Variants in FAM72D observed in about 807,000 individuals in gnomAD.
The protein encoded by FAM72D is RUMY family member 4, also known as protein FAM72D.
For synonymous variants in FAM72D, 4 were observed against 35.1 expected (o/e 0.11, Z 3.13); for missense variants, 9 against 104.7 (o/e 0.09, Z 3.99).
At chr1:145,105,367 C>CAA (rs1654868887) in intron 3 of FAM72D, among the ~76,000 whole-genome samples, 1 of 58,298 alleles carries the variant, frequency 1.7e-5, no homozygotes, top group Non-Finnish European at 3.4e-5. Context: ...CAATAGAAGG[C>CAA]TGTTTTGTGT....
At chr1:145,108,169 C>T (rs1655022003) in intron 3 of FAM72D, among the ~76,000 whole-genome samples, 1 of 150,000 alleles carries the variant, frequency 6.7e-6, no homozygotes, top group South Asian at 2.1e-4. Flanking sequence ...TTGTATTTTT[C>T]ATAGAGACCA....
At chr1:145,099,771 TTC>T (rs1328252607) in intron 2 of FAM72D, among the ~76,000 whole-genome samples, 1 of 61,064 alleles carries the variant, frequency 1.6e-5, no homozygotes, top group East Asian at 3.9e-4. Flanking sequence ...CTTAATTTCT[TTC>T]TTTCTTTCTT....
chr1:145,102,304 A>G lies in FAM72D; in HGVS notation c.231-703A>G, dbSNP rs1333493111. On this transcript the variant is annotated intron_variant, in intron 2 of 3. Coordinates refer to ENST00000400889, the MANE Select transcript of FAM72D (RefSeq NM_207418.3). Reference sequence around the variant, plus strand: ...TTAGGTGCTGGCATGAAACTAGAACATGTAAGAACCCAACTTGCCACAGTC... The same window carrying G: ...TTAGGTGCTGGCATGAAACTAGAACGTGTAAGAACCCAACTTGCCACAGTC... Among the ~76,000 whole-genome samples, 302 of 44,324 alleles carry G rather than the reference A, an allele frequency of 6.8e-3. 4 individuals carry two copies. Among genetic ancestry groups the G allele is most frequent in the Middle Eastern group, 0.031 (6 of 192 alleles). 29.1% of individuals were successfully genotyped at this position (44,324 alleles called of 152,430 possible). A position where few individuals can be genotyped will look rare whatever the true frequency, so the allele number is the denominator to read the frequency against.
intron 2 of FAM72D, among the ~76,000 whole-genome samples, chr1:145,102,730 A>G (rs1309275268): frequency 2.6e-5 from 3 of 113,550 alleles, no homozygotes; most frequent in Non-Finnish European, 3.8e-5. Context: ...CTGGGTGACA[A>G]GAGCAAAACT....
chr1:145,105,751 G>A (rs1169717922), intron 3 of FAM72D, among the ~76,000 whole-genome samples: 1 of 149,694 alleles, frequency 6.7e-6, no homozygotes, highest in Non-Finnish European at 1.5e-5. Context: ...TTGGGAGTTC[G>A]AGACCAGCCT....
chr1:145,097,110 C>G (rs1173965528), intron 1 of FAM72D, 111 bp downstream of exon 1: 1 of 1,421,812 alleles, frequency 7.0e-7, no homozygotes, highest in African/African-American at 1.7e-5. Flanking sequence ...TTCAGCCACT[C>G]CCACCAGTTT....
chr1:145,100,287 G>T (rs1340773028), intron 2 of FAM72D, among the ~76,000 whole-genome samples: 1 of 116,132 alleles, frequency 8.6e-6, no homozygotes, highest in Non-Finnish European at 1.7e-5. Context: ...GATGGGGTTT[G>T]TATTTAGAAG....
chr1:145,105,918 C>T, intron 3 of FAM72D, among the ~76,000 whole-genome samples: 1 of 145,506 alleles, frequency 6.9e-6, no homozygotes, highest in Admixed American at 6.8e-5. Flanking sequence ...CGCCATTGCA[C>T]TCCAGCCTGG....
chr1:145,101,969 A>G (rs1307817804), intron 2 of FAM72D, among the ~76,000 whole-genome samples: 2 of 113,500 alleles, frequency 1.8e-5, no homozygotes, highest in Non-Finnish European at 3.5e-5. Context: ...GAATTTTTAC[A>G]ACTCAAGGTA....
At chr1:145,100,857 A>G (rs1164694046) in intron 2 of FAM72D, among the ~76,000 whole-genome samples, 1 of 149,964 alleles carries the variant, frequency 6.7e-6, no homozygotes, top group East Asian at 2.0e-4. Flanking sequence ...GCTGGTCTCA[A>G]ACTCCTGACC....
chr1:145,106,954 G>T (rs9778002), intron 3 of FAM72D, among the ~76,000 whole-genome samples: 1 of 92,396 alleles, frequency 1.1e-5, no homozygotes, highest in Non-Finnish European at 2.0e-5. Context: ...AGGCATGGTG[G>T]CTCACACCTG....
At chr1:145,105,962 A>G (rs9723261) in intron 3 of FAM72D, among the ~76,000 whole-genome samples, 149 of 150,276 alleles carry the variant, frequency 9.9e-4, no homozygotes, top group African/African-American at 3.2e-3. Context: ...CAAAAAAAAA[A>G]AAAAGAAAAG....
intron 3 of FAM72D, among the ~76,000 whole-genome samples, chr1:145,105,721 G>A (rs2144659): frequency 2.3e-4 from 35 of 150,686 alleles, no homozygotes; most frequent in African/African-American, 8.1e-4. Context: ...GGGAGGCCAA[G>A]GCGGGCAGAT....
At chr1:145,105,928 G>A (rs1199358999) in intron 3 of FAM72D, among the ~76,000 whole-genome samples, 1 of 147,030 alleles carries the variant, frequency 6.8e-6, no homozygotes, top group Non-Finnish European at 1.5e-5. Flanking sequence ...CTCCAGCCTG[G>A]GCAACAAAAG....
intron 2 of FAM72D, among the ~76,000 whole-genome samples, chr1:145,102,733 G>A (rs1654766908): frequency 1.8e-5 from 2 of 108,916 alleles, no homozygotes; most frequent in Non-Finnish European, 4.0e-5. Flanking sequence ...GGTGACAAGA[G>A]CAAAACTCGG....
chr1:145,102,530 G>A (rs1553638076), intron 2 of FAM72D, among the ~76,000 whole-genome samples: 1 of 48,136 alleles, frequency 2.1e-5, no homozygotes, highest in Non-Finnish European at 4.3e-5. Flanking sequence ...ACTTTGGGAG[G>A]CCAAGGCAGG....
intron 2 of FAM72D, among the ~76,000 whole-genome samples, chr1:145,102,025 T>A (rs1450118277): frequency 7.9e-6 from 1 of 127,190 alleles, no homozygotes; most frequent in Admixed American, 7.5e-5. Flanking sequence ...AGCTAAAACA[T>A]TCCCTGTAGG....
At chr1:145,100,908 T>C (rs1193091002) in intron 2 of FAM72D, among the ~76,000 whole-genome samples, 1 of 146,440 alleles carries the variant, frequency 6.8e-6, no homozygotes, top group African/African-American at 2.6e-5. Context: ...AGTGTGAGAT[T>C]ACAGGTGTGA....
chr1:145,107,279 C>T (rs1571202689), intron 3 of FAM72D, among the ~76,000 whole-genome samples: 1 of 123,924 alleles, frequency 8.1e-6, no homozygotes, highest in African/African-American at 3.1e-5. Context: ...GAGTTTCACT[C>T]TTGTTTCCCA....
Sources: gnomAD v4.1 joint callset for allele counts (sites outside exome capture counted in the v4.1 genomes callset) on GRCh38, gnomAD v4.1.1 for gene constraint, MANE v1.5 for transcripts, NCBI Gene and HGNC (gene_info 2026-07-23, HGNC 2026-07-21) for gene names.